The following DDX31 variants were observed in gnomAD, a reference collection of about 807,000 sequenced individuals.
The protein encoded by DDX31 is DEAD-box helicase 31, also known as ATP-dependent DNA helicase DDX31.
In DDX31, 70 loss-of-function variants were observed where a neutral mutation model predicts 91.3. The observed-to-expected ratio is 0.77, with a 90% CI of 0.63 to 0.94. The LOEUF (loss-of-function observed/expected upper bound fraction) is 0.94. Among genes scored for constraint, DDX31 ranks in the 40% least tolerant of loss-of-function variants. DDX31 has a pLI of 0.00. For missense variants in DDX31, 902 were observed against 925.0 expected (o/e 0.98, Z 0.32); for synonymous variants, 362 against 350.6 (o/e 1.03, Z -0.36).
intron 19 of DDX31, among the ~76,000 whole-genome samples, chr9:132,604,409 T>C (rs1295612383): frequency 6.6e-6 from 1 of 152,192 alleles, no homozygotes; most frequent in Non-Finnish European, 1.5e-5. Context: ...ACAGAGGCCA[T>C]GAGAGCATGT....
intron 13 of DDX31, among the ~76,000 whole-genome samples, chr9:132,645,336 G>A (rs1015283021): frequency 1.3e-5 from 2 of 152,190 alleles, no homozygotes; most frequent in Non-Finnish European, 1.5e-5. Flanking sequence ...ATCTTACTCC[G>A]TGCCGAGAAA....
intron 14 of DDX31, among the ~76,000 whole-genome samples, chr9:132,640,985 G>A (rs1056022524): frequency 2.0e-5 from 3 of 152,308 alleles, no homozygotes; most frequent in Admixed American, 6.5e-5. Flanking sequence ...CAGCTCTCAG[G>A]TCTGAATGAG....
rs1195156145 is a variant in DDX31, at chr9:132,669,967, A to C, written c.-33T>G. On this transcript the variant is annotated 5_prime_UTR_variant, in exon 1 of 20. Coordinates refer to ENST00000372159, the MANE Select transcript of DDX31 (RefSeq NM_022779.9). The stretch of plus-strand genomic sequence containing the variant: ...GTGGGTGACGCGTGGTGCAGCAGCG[A>C]GCCCGGTGCGCAGACTGCTGGGCCC... 1 of 1,578,708 alleles carries C rather than the reference A, an allele frequency of 6.3e-7. No homozygotes were observed. Among genetic ancestry groups the C allele is most frequent in the South Asian group, 1.2e-5 (1 of 86,454 alleles).
In DDX31 at chr9:132,618,332, T is replaced by C; in HGVS notation, c.1823A>G (p.Lys608Arg). 2 of 1,607,804 alleles carry C rather than the reference T, an allele frequency of 1.2e-6. No homozygotes were observed. Among genetic ancestry groups the C allele is most frequent in the Non-Finnish European group, 1.7e-6 (2 of 1,177,324 alleles). The change falls in exon 18 of 20, where the codon AAA (lysine) becomes AGA (arginine). Residue 608 changes from lysine (K) to arginine (R), a missense_variant and splice_region_variant. Lys to Arg is a conservative substitution (Grantham distance 26). Transcript: ENST00000372159. ...AAGCACCTAGGAAATCGACTGACCTTTCTTTGCCCAGGAGACCCTCCTCTC... is the reference window on the plus strand; with the variant it reads ...AAGCACCTAGGAAATCGACTGACCTCTCTTTGCCCAGGAGACCCTCCTCTC... ...SSERRVSWAK[K>R]ALQSFIQAYA... is the part of the protein sequence containing the mutation.
chr9:132,633,403 T>C lies in DDX31; in HGVS notation c.1441-1312A>G, dbSNP rs115442464. Among the ~76,000 whole-genome samples the C allele has an allele frequency of 1.3e-3, 196 of 152,184 alleles. 1 individual carries two copies. The South Asian group carries it at 0.016, about 12-fold the overall frequency. ...ACACTGACAAAAATACAAAATGATA[T>C]AGGCATGAGGCCATTCATTTCAGCA... is the stretch of plus-strand genomic sequence containing the variant. On this transcript the variant is annotated intron_variant, in intron 14 of 19. Coordinates refer to ENST00000372159, the MANE Select transcript of DDX31 (RefSeq NM_022779.9).
At chr9:132,654,851 CAGG>C (rs1590086920) in intron 6 of DDX31, among the ~76,000 whole-genome samples, 1 of 146,428 alleles carries the variant, frequency 6.8e-6, no homozygotes. Flanking sequence ...GAGCCTGAGG[CAGG>C]AGAACTGCTT....
chr9:132,634,091 A>G (rs1330288778), intron 14 of DDX31, among the ~76,000 whole-genome samples: 1 of 152,222 alleles, frequency 6.6e-6, no homozygotes, highest in African/African-American at 2.4e-5. Flanking sequence ...AGGCAGATGG[A>G]GAACCAATAC....
chr9:132,614,850 C>T (rs1368448927), intron 18 of DDX31, among the ~76,000 whole-genome samples: 1 of 152,186 alleles, frequency 6.6e-6, no homozygotes, highest in African/African-American at 2.4e-5. Flanking sequence ...CCTCCTTGTC[C>T]TCAAGGCTCC....
rs993487998 is a variant in DDX31 at position 132,647,144 on chromosome 9, C to T, written c.968-86G>A. On this transcript the variant is annotated intron_variant, in intron 11 of 19. Coordinates refer to ENST00000372159, the MANE Select transcript of DDX31 (RefSeq NM_022779.9). ...AGCGTACCCCCATACAGCACCCACC[C>T]ATGTATGTTAGGACTACGTATGTTA... 5.6e-6 allele frequency: 7 copies of T among 1,241,554 alleles called. No individual in the cohort carries two copies. In the Admixed American group the frequency reaches 9.1e-5, roughly 16 times the overall value. The allele number at this position is 1,241,554 out of a possible 1,614,324, so 76.9% of individuals were successfully genotyped here. A position where few individuals can be genotyped will look rare whatever the true frequency, so the allele number is the denominator to read the frequency against.
At position 132,646,049 on chromosome 9, in the gene DDX31, A is replaced by G. The variant is rs1238582728; in HGVS notation, c.1226T>C (p.Val409Ala). 10 of 1,613,928 alleles carry G rather than the reference A, an allele frequency of 6.2e-6. No individual in the cohort carries two copies. The highest frequency in any genetic ancestry group is 1.3e-5 in the African/African-American group (1 of 74,890). The change falls in exon 13 of 20, where the codon GTT becomes GCT. Residue 409 changes from valine (V) to alanine (A), a missense_variant. Coordinates refer to ENST00000372159, the MANE Select transcript of DDX31 (RefSeq NM_022779.9). ...KCKFEEDQKM[V>A]VFFSSCELVE... ...CAGCTCGCAACTTGAGAAAAAGACA[A>G]CCATCTTCTGGTCTTCCTCAAACTA...
intron 1 of DDX31, among the ~76,000 whole-genome samples, chr9:132,668,975 G>A (rs1054318695): frequency 1.3e-5 from 2 of 151,424 alleles, no homozygotes; most frequent in Middle Eastern, 3.4e-3. Flanking sequence ...GGGCTTCCAG[G>A]CTATAGGTAA....
At chr9:132,668,486 T>C (rs1835463297) in intron 1 of DDX31, among the ~76,000 whole-genome samples, 1 of 151,964 alleles carries the variant, frequency 6.6e-6, no homozygotes, top group East Asian at 1.9e-4. Context: ...AGACTTATTC[T>C]GAGCCAAGTA....
At chr9:132,657,075 C>T (rs959775072) in intron 6 of DDX31, among the ~76,000 whole-genome samples, 1 of 152,204 alleles carries the variant, frequency 6.6e-6, no homozygotes, top group African/African-American at 2.4e-5. Flanking sequence ...AAACTGGGGT[C>T]ACACTATACA....
At position 132,630,382 on chromosome 9, in the gene DDX31, C is replaced by A; in HGVS notation, c.1513G>T (p.Ala505Ser). ...IVQYNAPSSPAEYIHRIGRTA... is the reference protein window; with the variant it reads ...IVQYNAPSSPSEYIHRIGRTA... ...CTTCCAATCCGGTGGATGTATTCTG[C>A]AGGTGAAGATGGAGCGTTGTACTAA... Residue 505 changes from alanine (A) to serine (S), a missense_variant, in exon 16 of 20, where the codon GCA becomes TCA. Transcript: ENST00000372159. 1 of 1,600,798 alleles carries A rather than the reference C, an allele frequency of 6.2e-7. No individual in the cohort carries two copies.
chr9:132,608,431 G>C (rs1018214156), intron 19 of DDX31, among the ~76,000 whole-genome samples: 2 of 152,184 alleles, frequency 1.3e-5, no homozygotes, highest in Non-Finnish European at 2.9e-5. Context: ...AAGTGGTCGA[G>C]TGAAGGACTA....
intron 18 of DDX31, among the ~76,000 whole-genome samples, chr9:132,616,013 G>A (rs1278173474): frequency 2.0e-5 from 3 of 152,250 alleles, no homozygotes; most frequent in African/African-American, 7.2e-5. Context: ...ATTTGCATAT[G>A]CAGATTGAAA....
At chr9:132,610,949 T>TAGAG (rs1406898019) in intron 19 of DDX31, among the ~76,000 whole-genome samples, 1 of 152,192 alleles carries the variant, frequency 6.6e-6, no homozygotes, top group Non-Finnish European at 1.5e-5. Context: ...GTGGTCCCTC[T>TAGAG]GTCTTTGCCG....
chr9:132,648,107 T>C (rs1161181881), intron 11 of DDX31, 82 bp downstream of exon 11: 1 of 1,165,336 alleles, frequency 8.6e-7, no homozygotes, highest in Non-Finnish European at 1.2e-6. Flanking sequence ...TGAGAATCAC[T>C]GCAGCAAACA....
intron 14 of DDX31, among the ~76,000 whole-genome samples, chr9:132,640,949 C>T (rs1833466124): frequency 6.6e-6 from 1 of 152,202 alleles, no homozygotes; most frequent in South Asian, 2.1e-4. Context: ...CACAGATCTC[C>T]TCAGGAGGCA....
Sources: allele counts gnomAD v4.1 joint callset (sites outside exome capture counted in the v4.1 genomes callset), GRCh38; gene constraint gnomAD v4.1.1; transcripts MANE v1.5; gene names NCBI Gene and HGNC (gene_info 2026-07-23, HGNC 2026-07-21).